The following SATB1 variants were observed in gnomAD, a reference collection of about 807,000 sequenced individuals.
SATB1 encodes SATB homeobox 1, also known as DNA-binding protein SATB1.
In SATB1, 11 loss-of-function variants were observed where a neutral mutation model predicts 86.9. That is an observed-to-expected ratio of 0.13 (90% CI 0.08 to 0.21). SATB1 has a LOEUF of 0.21. Among genes scored for constraint, SATB1 ranks in the 10% least tolerant of loss-of-function variants. The pLI is 1.00. For synonymous variants in SATB1, 357 were observed against 357.2 expected (o/e 1.00, Z 0.01); for missense variants, 551 against 937.6 (o/e 0.59, Z 5.39).
chr3:18,358,207 T>G (rs1261874922), intron 9 of SATB1, among the ~76,000 whole-genome samples: 1 of 151,976 alleles, frequency 6.6e-6, no homozygotes, highest in Non-Finnish European at 1.5e-5. Context: ...TTCTTTCCCA[T>G]TCAAATCATC....
At chr3:18,357,768 G>C (rs1194716359) in intron 9 of SATB1, among the ~76,000 whole-genome samples, 1 of 151,748 alleles carries the variant, frequency 6.6e-6, no homozygotes, top group Non-Finnish European at 1.5e-5. Flanking sequence ...TATTACAACA[G>C]TATAGTTACA....
rs1313783500 is a variant in SATB1 at position 18,444,210 on chromosome 3, T to C, written c.-25+1308A>G. Among the ~76,000 whole-genome samples, 1 of 151,902 alleles carries C rather than the reference T, an allele frequency of 6.6e-6. No homozygotes were observed. On this transcript the variant is annotated intron_variant, in intron 1 of 3. Transcript: ENST00000415069. The surrounding 1 kb of genome is among the most constrained non-coding windows in gnomAD (Gnocchi z 5.1). ...TCCAGAACGCACCGAGAGGCTCCCC[T>C]TTTCCCCATTTGCTTCCTTCGGTCT...
At chr3:18,441,303 G>A (rs1376038664), upstream of SATB1, among the ~76,000 whole-genome samples, 1 of 151,992 alleles carries the variant, frequency 6.6e-6, no homozygotes, top group African/African-American at 2.4e-5. Flanking sequence ...AATATTTCGT[G>A]GCAGCATTTA....
chr3:18,354,786 A>T (rs1216425007), intron 9 of SATB1, among the ~76,000 whole-genome samples: 1 of 152,138 alleles, frequency 6.6e-6, no homozygotes, highest in Non-Finnish European at 1.5e-5. Context: ...GCTAATAATG[A>T]TAGCTAATTC....
chr3:18,438,805 C>G (rs559093417), upstream of SATB1: 2 of 152,544 alleles, frequency 1.3e-5, no homozygotes, highest in African/African-American at 4.8e-5. Context: ...CCCAGTATAA[C>G]GCCCTCTACT....
intron 9 of SATB1, among the ~76,000 whole-genome samples, chr3:18,370,867 C>T (rs1695446444): frequency 6.6e-6 from 1 of 152,218 alleles, no homozygotes; most frequent in Non-Finnish European, 1.5e-5. Context: ...TGACAGTTCC[C>T]ATCCGTAGCG....
chr3:18,373,457 A>G (rs1227406515), intron 9 of SATB1, among the ~76,000 whole-genome samples: 1 of 152,228 alleles, frequency 6.6e-6, no homozygotes, highest in Non-Finnish European at 1.5e-5. Context: ...ACAGAATGCA[A>G]TGTCAATGGT....
chr3:18,405,030 T>C (rs1697451967), intron 5 of SATB1, among the ~76,000 whole-genome samples: 1 of 151,990 alleles, frequency 6.6e-6, no homozygotes, highest in Non-Finnish European at 1.5e-5. Flanking sequence ...CATTATTCAT[T>C]CTCAGGTACT....
In SATB1 at chr3:18,346,849, C is replaced by T. The variant is rs931713058; in HGVS notation, c.*2321G>A. 2.6e-5 allele frequency: 4 copies of T among 152,014 alleles called. No individual in the cohort carries two copies. Among genetic ancestry groups the T allele is most frequent in the African/African-American group, 9.7e-5 (4 of 41,406 alleles). 9.4% of individuals were successfully genotyped at this position (152,014 alleles called of 1,614,324 possible). Reference sequence around the variant, plus strand: ...AGATAACTTCATGGCATTTGAGTTTCTATTTTATTTCCTATTTTTTAAATA... The same window carrying T: ...AGATAACTTCATGGCATTTGAGTTTTTATTTTATTTCCTATTTTTTAAATA... On this transcript the variant is annotated 3_prime_UTR_variant, in exon 11 of 11. Coordinates refer to ENST00000338745, the MANE Select transcript of SATB1 (RefSeq NM_002971.6).
upstream of SATB1, among the ~76,000 whole-genome samples, chr3:18,442,661 G>A (rs2125213296): frequency 6.6e-6 from 1 of 152,272 alleles, no homozygotes; most frequent in East Asian, 1.9e-4. Context: ...ACTTGGAGAG[G>A]TAGTGAAAGA....
intron 2 of SATB1, among the ~76,000 whole-genome samples, chr3:18,420,478 T>C (rs1295495717): frequency 6.6e-6 from 1 of 152,168 alleles, no homozygotes; most frequent in African/African-American, 2.4e-5. Flanking sequence ...ACCTTTTGAA[T>C]GGACCCTGCC....
chr3:18,373,602 G>A (rs1158551727), intron 9 of SATB1, among the ~76,000 whole-genome samples: 2 of 152,166 alleles, frequency 1.3e-5, no homozygotes, highest in Non-Finnish European at 2.9e-5. Flanking sequence ...ATTACCATGT[G>A]AGAATTTCCA....
intron 10 of SATB1, chr3:18,351,463 T>C: frequency 1.5e-6 from 2 of 1,347,458 alleles, no homozygotes; most frequent in Non-Finnish European, 2.0e-6. Context: ...CTGTAAAGTG[T>C]GGGGAGACAG....
chr3:18,429,639 C>T (rs1401960104), upstream of SATB1, among the ~76,000 whole-genome samples: 1 of 152,144 alleles, frequency 6.6e-6, no homozygotes, highest in Non-Finnish European at 1.5e-5. The surrounding 1 kb of genome is among the most constrained non-coding windows in gnomAD (Gnocchi z 4.1). Context: ...AAGGAAGCTG[C>T]CTCATGCTTT....
chr3:18,376,313 T>A (rs1401805339), intron 9 of SATB1, among the ~76,000 whole-genome samples: 1 of 152,078 alleles, frequency 6.6e-6, no homozygotes, highest in East Asian at 1.9e-4. Context: ...AGGTGATAGA[T>A]AACTAAATAT....
chr3:18,381,218 G>T (rs1388541817), intron 8 of SATB1, among the ~76,000 whole-genome samples: 1 of 152,152 alleles, frequency 6.6e-6, no homozygotes, highest in Non-Finnish European at 1.5e-5. Flanking sequence ...TTCATGGATT[G>T]CTGTATGCAT....
chr3:18,396,719 T>C (rs933174748), intron 6 of SATB1, among the ~76,000 whole-genome samples: 1 of 152,172 alleles, frequency 6.6e-6, no homozygotes, highest in Non-Finnish European at 1.5e-5. Context: ...GTTAGAGCTA[T>C]AAAAATCACT....
intron 10 of SATB1, chr3:18,351,120 A>C (rs1694335986): frequency 1.7e-6 from 1 of 603,254 alleles, no homozygotes; most frequent in South Asian, 1.8e-5. Flanking sequence ...GAGTGTCTTC[A>C]GGAGATGAAT....
At position 18,379,121 on chromosome 3, in the gene SATB1, T is replaced by G. The variant is rs183816732; in HGVS notation, c.1420-796A>C. Among the ~76,000 whole-genome samples the G allele has an allele frequency of 2.0e-5, 3 of 152,300 alleles. No homozygotes were observed. In the East Asian group the frequency reaches 5.8e-4, roughly 29 times the overall value. Reference sequence around the variant, plus strand: ...ACTAATATATTCAAAAAGTACAATCTTGAGAGAAAAATCAGCATCAATGCC... The same window carrying G: ...ACTAATATATTCAAAAAGTACAATCGTGAGAGAAAAATCAGCATCAATGCC... On this transcript the variant is annotated intron_variant, in intron 8 of 10. Coordinates refer to ENST00000338745, the MANE Select transcript of SATB1 (RefSeq NM_002971.6).
Sources: allele counts gnomAD v4.1 joint callset (sites outside exome capture counted in the v4.1 genomes callset), GRCh38; gene constraint gnomAD v4.1.1; non-coding constraint Gnocchi (gnomAD v3.1); transcripts MANE v1.5; gene names NCBI Gene and HGNC (gene_info 2026-07-23, HGNC 2026-07-21).